Variants in NT5E observed in about 807,000 individuals in gnomAD.
NT5E encodes 5'-nucleotidase.
NT5E carries 53 observed loss-of-function variants against 55.1 expected under a neutral mutation model. The observed-to-expected ratio is 0.96, with a 90% CI of 0.77 to 1.21. The LOEUF (loss-of-function observed/expected upper bound fraction) is 1.21. NT5E is among the 50% of genes most tolerant of loss of function. The probability of loss-of-function intolerance (pLI) is 0.00; values close to 1 mark genes in which losing one functional copy is unlikely to be tolerated. For synonymous variants in NT5E, 270 were observed against 278.4 expected (o/e 0.97, Z 0.30); for missense variants, 683 against 724.3 (o/e 0.94, Z 0.65).
chr6:85,468,371 C>A (rs1195906668), intron 2 of NT5E, among the ~76,000 whole-genome samples: 1 of 152,162 alleles, frequency 6.6e-6, no homozygotes, highest in Non-Finnish European at 1.5e-5. Flanking sequence ...CCCAACCCCA[C>A]CCTGGGGTCA....
chr6:85,460,226 C>A (rs1769067191), intron 1 of NT5E, among the ~76,000 whole-genome samples: 1 of 152,148 alleles, frequency 6.6e-6, no homozygotes, highest in Non-Finnish European at 1.5e-5. Context: ...CTTACCCTGT[C>A]CATGGCAGAT....
At chr6:85,491,209 A>C (rs1009046487) in intron 7 of NT5E, 17 of 414,770 alleles carry the variant, frequency 4.1e-5, no homozygotes, top group Admixed American at 2.0e-4. Context: ...GACTGCAGTG[A>C]AAGTTGAATG....
chr6:85,492,203 T>TC, intron 8 of NT5E, 26 bp downstream of exon 8: 1 of 1,610,364 alleles, frequency 6.2e-7, no homozygotes, highest in Non-Finnish European at 8.5e-7. Flanking sequence ...TCTTCCTTTC[T>TC]CTAAAGAACA....
At chr6:85,461,718 C>T (rs565302032) in intron 1 of NT5E, among the ~76,000 whole-genome samples, 2 of 152,244 alleles carry the variant, frequency 1.3e-5, no homozygotes, top group South Asian at 2.1e-4. Flanking sequence ...CACCCATTTC[C>T]GTCCTGCCCC....
In NT5E at chr6:85,470,546, G is replaced by A. The variant is rs867253641; in HGVS notation, c.563-691G>A. Among the ~76,000 whole-genome samples the A allele has an allele frequency of 2.4e-4, 37 of 152,308 alleles. No individual in the cohort carries two copies. In the Middle Eastern group the frequency reaches 0.017, roughly 70 times the overall value. ...GCTCATTGCAGCCTCCGCCTGGCAG[G>A]TTCAAGACATTCTCCTGCCTCAGCC... On this transcript the variant is annotated intron_variant, in intron 2 of 8. Coordinates refer to ENST00000257770, the MANE Select transcript of NT5E (RefSeq NM_002526.4).
rs1214588228 is a variant in NT5E, at chr6:85,495,573, CA to C, written c.*1571del. 6.6e-6 allele frequency: 1 copy of C among 152,084 alleles called. No homozygotes were observed. The highest frequency in any genetic ancestry group is 1.5e-5 in the Non-Finnish European group (1 of 68,008). The allele number at this position is 152,084 out of a possible 1,614,324, so 9.4% of individuals were successfully genotyped here. A position where few individuals can be genotyped will look rare whatever the true frequency, so the allele number is the denominator to read the frequency against. ...TATATGGATTAGCTATAAAAAATGTCAATAAGATTGTACAAGGAAAATTAGA... is the reference window on the plus strand; with the variant it reads ...TATATGGATTAGCTATAAAAAATGTCATAAGATTGTACAAGGAAAATTAGA... On this transcript the variant is annotated 3_prime_UTR_variant, in exon 9 of 9. Transcript: ENST00000257770.
At chr6:85,452,812 C>T (rs566743350) in intron 1 of NT5E, among the ~76,000 whole-genome samples, 1 of 152,276 alleles carries the variant, frequency 6.6e-6, no homozygotes, top group South Asian at 2.1e-4. Flanking sequence ...ATAAACGTTC[C>T]TCCACTGTAA....
rs1769214645 is a variant in NT5E, at chr6:85,467,204, A to G, written c.484A>G (p.Lys162Glu). Residue 162 changes from lysine to glutamate, a missense_variant, in exon 2 of 9, where the codon AAA becomes GAA. Physicochemically the swap from Lys to Glu is moderately conservative, Grantham distance 56 (BLOSUM62 1). Transcript: ENST00000257770. ...SQISGLYLPY[K>E]VLPVGDEVVG... ...AATATCAGGACTTTATTTGCCATAT[A>G]AAGTTCTTCCTGTTGGTGATGAAGT... 4 of 1,614,012 alleles carry G rather than the reference A, an allele frequency of 2.5e-6. No homozygotes were observed. The highest frequency in any genetic ancestry group is 3.4e-6 in the Non-Finnish European group (4 of 1,180,022).
In NT5E at chr6:85,450,273, G is replaced by C; in HGVS notation, c.134G>C (p.Ser45Thr). 1.2e-6 allele frequency: 2 copies of C among 1,608,878 alleles called. No homozygotes were observed. The highest frequency in any genetic ancestry group is 8.5e-7 in the Non-Finnish European group (1 of 1,178,600). ...NDVHSRLEQT[S>T]EDSSKCVNAS... ...GTGCACAGCCGGCTGGAGCAGACCA[G>C]CGAGGACTCCAGCAAGTGCGTCAAC... is the stretch of plus-strand genomic sequence containing the variant. The change falls in exon 1 of 9, where the codon AGC becomes ACC. Residue 45 changes from serine to threonine, a missense_variant. Physicochemically the swap from Ser to Thr is moderately conservative, Grantham distance 58. Coordinates refer to ENST00000257770, the MANE Select transcript of NT5E (RefSeq NM_002526.4). The surrounding 1 kb of genome is among the most constrained non-coding windows in gnomAD (Gnocchi z 4.0).
chr6:85,484,094 G>A (rs1769601888), intron 3 of NT5E, among the ~76,000 whole-genome samples: 1 of 152,194 alleles, frequency 6.6e-6, no homozygotes, highest in Non-Finnish European at 1.5e-5. Flanking sequence ...CCCAGGGCCT[G>A]GCTCATGGCC....
At chr6:85,489,356 A>G in intron 5 of NT5E, 138 bp from the exon 6 acceptor site, 1 of 700,022 alleles carries the variant, frequency 1.4e-6, no homozygotes, top group Non-Finnish European at 2.6e-6. Context: ...AGTTCTAATT[A>G]TAGTTGAGAG....
intron 1 of NT5E, among the ~76,000 whole-genome samples, chr6:85,461,605 G>A (rs543431474): frequency 1.3e-5 from 2 of 152,342 alleles, no homozygotes; most frequent in African/African-American, 4.8e-5. Flanking sequence ...CACTGGTACA[G>A]CATTGTTGGT....
At chr6:85,490,114 C>T (rs1305706730) in intron 6 of NT5E, among the ~76,000 whole-genome samples, 1 of 152,204 alleles carries the variant, frequency 6.6e-6, no homozygotes, top group Admixed American at 6.5e-5. Flanking sequence ...GAAAACCAAT[C>T]AGTATCAGTA....
rs372698120 is a variant in NT5E at position 85,493,940 on chromosome 6, G to A, written c.1661G>A (p.Cys554Tyr). Reference protein sequence around the residue: ...GRIKFSTGSHCHGSFSLIFLS... With the variant: ...GRIKFSTGSHYHGSFSLIFLS... ...ATCAAGTTTTCCACAGGAAGTCACTGCCATGGAAGCTTTTCTTTAATATTT... is the reference window on the plus strand; with the variant it reads ...ATCAAGTTTTCCACAGGAAGTCACTACCATGGAAGCTTTTCTTTAATATTT... Residue 554 changes from cysteine to tyrosine, a missense_variant, in exon 9 of 9, where the codon TGC (cysteine) becomes TAC (tyrosine). Transcript: ENST00000257770. 15 of 1,613,972 alleles carry A rather than the reference G, an allele frequency of 9.3e-6. No homozygotes were observed. Among genetic ancestry groups the A allele is most frequent in the Non-Finnish European group, 1.3e-5 (15 of 1,179,984 alleles).
chr6:85,463,583 T>C (rs1179642559), intron 1 of NT5E, among the ~76,000 whole-genome samples: 1 of 152,264 alleles, frequency 6.6e-6, no homozygotes, highest in African/African-American at 2.4e-5. Flanking sequence ...AATAAGATTA[T>C]CTGCTCTGTT....
chr6:85,474,690 A>T (rs1562140962), intron 3 of NT5E, among the ~76,000 whole-genome samples: 1 of 152,172 alleles, frequency 6.6e-6, no homozygotes, highest in East Asian at 1.9e-4. Flanking sequence ...GAATTTTGGG[A>T]GGCTGAGGCA....
intron 5 of NT5E, among the ~76,000 whole-genome samples, chr6:85,489,208 T>TC (rs2127725254): frequency 6.6e-6 from 1 of 152,196 alleles, no homozygotes; most frequent in Admixed American, 6.5e-5. Flanking sequence ...GGAGGCCCAG[T>TC]CCCGACACCA....
rs1768834493 is a variant in NT5E at position 85,450,541 on chromosome 6, A to G, written c.339+63A>G. ...ACTGAGAGAGGAGCCGGGCTGGAAAAGCAGCGGATGGCAGAGTGTGGCAAG... is the reference window on the plus strand; with the variant it reads ...ACTGAGAGAGGAGCCGGGCTGGAAAGGCAGCGGATGGCAGAGTGTGGCAAG... On this transcript the variant is annotated intron_variant, in intron 1 of 8. Coordinates refer to ENST00000257770, the MANE Select transcript of NT5E (RefSeq NM_002526.4). This position sits in a 1 kb window ranked among gnomAD's most constrained non-coding sequence, Gnocchi z 4.0. The G allele has an allele frequency of 6.8e-7, 1 of 1,463,610 alleles. No individual in the cohort carries two copies. The highest frequency in any genetic ancestry group is 2.4e-5 in the East Asian group (1 of 40,882). 90.7% of individuals were successfully genotyped at this position (1,463,610 alleles called of 1,614,324 possible).
chr6:85,468,176 CTGT>C (rs967883173), intron 2 of NT5E, among the ~76,000 whole-genome samples: 3 of 152,168 alleles, frequency 2.0e-5, no homozygotes, highest in African/African-American at 7.2e-5. Context: ...TATATATTTA[CTGT>C]TGTTGTTGTT....
Sources: allele counts gnomAD v4.1 joint callset (sites outside exome capture counted in the v4.1 genomes callset), GRCh38; gene constraint gnomAD v4.1.1; non-coding constraint Gnocchi (gnomAD v3.1); transcripts MANE v1.5; gene names NCBI Gene and HGNC (gene_info 2026-07-23, HGNC 2026-07-21).